Variants in SRBD1 observed in about 807,000 individuals in gnomAD.
SRBD1 encodes the protein S1 RNA binding domain 1.
Under a neutral mutation model 115.3 loss-of-function variants are expected in SRBD1, and 88 were observed. The observed-to-expected ratio is 0.76, with a 90% CI of 0.64 to 0.91. SRBD1 has a LOEUF of 0.91. SRBD1 is among the 40% of genes least tolerant of loss of function. SRBD1 has a pLI of 0.00. For missense variants in SRBD1, 1,385 were observed against 1,177.4 expected (o/e 1.18, Z -2.58); for synonymous variants, 509 against 407.7 (o/e 1.25, Z -2.99).
At chr2:45,414,664 A>AGTGTG (rs1667725408) in intron 18 of SRBD1, among the ~76,000 whole-genome samples, 2 of 150,900 alleles carry the variant, frequency 1.3e-5, no homozygotes, top group African/African-American at 4.9e-5. Flanking sequence ...ACATACACAC[A>AGTGTG]TAGTGTATAT....
chr2:45,573,322 C>T lies in SRBD1; in HGVS notation c.1190G>A (p.Cys397Tyr), dbSNP rs151072216. 2 of 1,610,398 alleles carry T rather than the reference C, an allele frequency of 1.2e-6. No individual in the cohort carries two copies. Among genetic ancestry groups the T allele is most frequent in the African/African-American group, 1.3e-5 (1 of 74,722 alleles). Residue 397 changes from cysteine (C) to tyrosine (Y), a missense_variant, in exon 9 of 21, where the codon TGT becomes TAT. Coordinates refer to ENST00000263736, the MANE Select transcript of SRBD1 (RefSeq NM_018079.5). ...TACTTTTGCCAGAGATGACTGGATA[C>T]AAACATGTCTCTTCTGGCACCTGTT... The part of the protein sequence containing the change: ...IRNLCQKRHV[C>Y]IQSSLAKVSS...
chr2:45,567,615 A>G (rs1672873696), intron 9 of SRBD1, among the ~76,000 whole-genome samples: 1 of 152,180 alleles, frequency 6.6e-6, no homozygotes, highest in African/African-American at 2.4e-5. Context: ...TCTAAGAAAA[A>G]AAAAAAAAAG....
At chr2:45,609,157 G>C (rs1365776040) in intron 1 of SRBD1, among the ~76,000 whole-genome samples, 2 of 152,180 alleles carry the variant, frequency 1.3e-5, no homozygotes, top group East Asian at 1.9e-4. Context: ...GCAATACACT[G>C]CACATGTTTA....
intron 18 of SRBD1, 68 bp downstream of exon 18, chr2:45,418,297 T>C (rs1667890709): frequency 1.3e-6 from 2 of 1,554,736 alleles, no homozygotes; most frequent in South Asian, 1.2e-5. Flanking sequence ...CACTAATCAG[T>C]GGTAGGATAG....
At position 45,522,379 on chromosome 2, in the gene SRBD1, T is replaced by C. The variant is rs74461530; in HGVS notation, c.1874+24353A>G. Among the ~76,000 whole-genome samples, 558 of 152,136 alleles carry C rather than the reference T, an allele frequency of 3.7e-3. 9 individuals are homozygous for C. Among genetic ancestry groups the C allele is most frequent in the African/African-American group, 0.013 (531 of 41,506 alleles). On this transcript the variant is annotated intron_variant, in intron 14 of 20. Coordinates refer to ENST00000263736, the MANE Select transcript of SRBD1 (RefSeq NM_018079.5). The stretch of plus-strand genomic sequence containing the variant: ...TTTTTAGTAGAGATGGAGTTTACCA[T>C]ATTGCGAGAGCTAATCTAGAGCTCC...
intron 1 of SRBD1, 58 bp downstream of exon 1, chr2:45,611,161 C>T (rs1380134324): frequency 6.6e-6 from 1 of 152,214 alleles, no homozygotes; most frequent in Non-Finnish European, 1.5e-5. Flanking sequence ...TCCCGGAGCC[C>T]GGACGCCGGG....
In SRBD1 at chr2:45,599,771, T is replaced by C; in HGVS notation, c.326A>G (p.Gln109Arg). ...TTTTGTCTTGGCTGTTTTCAGAGTC[T>C]GTACAGTATCCAATTTATTTTTTCT... ...EDRKNKLDTV[Q>R]TLKTAKTKQK... is the part of the protein sequence containing the mutation. The change falls in exon 4 of 21, where the codon CAG (glutamine) becomes CGG (arginine). Residue 109 changes from glutamine to arginine, a missense_variant. Transcript: ENST00000263736. The C allele has an allele frequency of 1.2e-6, 2 of 1,614,222 alleles. No individual in the cohort carries two copies. The highest frequency in any genetic ancestry group is 8.5e-7 in the Non-Finnish European group (1 of 1,180,040).
At position 45,547,571 on chromosome 2, in the gene SRBD1, G is replaced by T; in HGVS notation, c.1717C>A (p.Gln573Lys). 1 of 1,613,666 alleles carries T rather than the reference G, an allele frequency of 6.2e-7. No homozygotes were observed. Among genetic ancestry groups the T allele is most frequent in the South Asian group, 1.1e-5 (1 of 91,028 alleles). Residue 573 changes from glutamine to lysine, a missense_variant, in exon 13 of 21, where the codon CAA becomes AAA. Coordinates refer to ENST00000263736, the MANE Select transcript of SRBD1 (RefSeq NM_018079.5). ...HTDVVYLHCG[Q>K]GFREAEKIKT... is the part of the protein sequence containing the mutation. Reference sequence around the variant, plus strand: ...ATTTTCTCCGCCTCTCGGAAGCCTTGTCCACAATGCAAGTAAACCACATCA... The same window carrying T: ...ATTTTCTCCGCCTCTCGGAAGCCTTTTCCACAATGCAAGTAAACCACATCA...
intron 14 of SRBD1, among the ~76,000 whole-genome samples, chr2:45,509,509 T>C (rs1347150708): frequency 1.3e-5 from 2 of 149,012 alleles, no homozygotes; most frequent in Non-Finnish European, 3.0e-5. Context: ...GGCAGGAGAA[T>C]GGCGTGAACC....
chr2:45,564,881 T>C (rs1225271203), intron 9 of SRBD1, among the ~76,000 whole-genome samples: 1 of 152,182 alleles, frequency 6.6e-6, no homozygotes, highest in Admixed American at 6.5e-5. Flanking sequence ...TGCATATACA[T>C]AGATTTGGGT....
chr2:45,459,382 T>A (rs1409693038), intron 16 of SRBD1, among the ~76,000 whole-genome samples: 1 of 152,154 alleles, frequency 6.6e-6, no homozygotes, highest in Non-Finnish European at 1.5e-5. Context: ...GCTGCCACTC[T>A]CTCTGATCCT....
At chr2:45,422,586 G>A (rs1170945082) in intron 16 of SRBD1, among the ~76,000 whole-genome samples, 3 of 152,222 alleles carry the variant, frequency 2.0e-5, no homozygotes, top group African/African-American at 7.2e-5. Flanking sequence ...AGACTATCAT[G>A]TGAGAGGAAT....
intron 16 of SRBD1, among the ~76,000 whole-genome samples, chr2:45,435,304 C>T (rs1053889104): frequency 1.3e-5 from 2 of 151,828 alleles, no homozygotes; most frequent in African/African-American, 4.8e-5. Context: ...TCAAAATTGC[C>T]CCAGCTTTCT....
intron 19 of SRBD1, among the ~76,000 whole-genome samples, chr2:45,412,542 T>C (rs942363127): frequency 2.6e-5 from 4 of 152,204 alleles, no homozygotes; most frequent in African/African-American, 7.2e-5. Flanking sequence ...AATGTCGTTA[T>C]GTAGCAAGTC....
intron 9 of SRBD1, among the ~76,000 whole-genome samples, chr2:45,564,752 C>T (rs548818986): frequency 1.3e-5 from 2 of 152,196 alleles, no homozygotes; most frequent in South Asian, 2.1e-4. Flanking sequence ...TTGACTTACA[C>T]GTGGATTTTT....
chr2:45,575,250 A>C (rs1048597941), intron 7 of SRBD1, among the ~76,000 whole-genome samples: 11 of 152,244 alleles, frequency 7.2e-5, no homozygotes, highest in Admixed American at 7.2e-4. Context: ...TGAATTTCAC[A>C]AATCTCAAAA....
chr2:45,389,378 C>G lies in SRBD1; in HGVS notation c.2920G>C (p.Glu974Gln). 6.2e-7 allele frequency: 1 copy of G among 1,614,034 alleles called. No individual in the cohort carries two copies. Among genetic ancestry groups the G allele is most frequent in the Non-Finnish European group, 8.5e-7 (1 of 1,179,970 alleles). Residue 974 changes from glutamate (E) to glutamine (Q), a missense_variant, in exon 21 of 21, where the codon GAA becomes CAA. Coordinates refer to ENST00000263736, the MANE Select transcript of SRBD1 (RefSeq NM_018079.5). The part of the protein sequence containing the change: ...SLGLGPGERV[E>Q]VQVLNIDIPR... ...ATGTCAATGTTGAGTACTTGGACTT[C>G]CACTCTTTCTCCGGGGCCCAGTCCA...
Position 45,585,679 on chromosome 2 carries a change from A to G in SRBD1, c.744T>C (p.Tyr248=), listed in dbSNP as rs554321861. 3.1e-6 allele frequency: 5 copies of G among 1,612,600 alleles called. No homozygotes were observed. Among genetic ancestry groups the G allele is most frequent in the African/African-American group, 2.7e-5 (2 of 74,914 alleles). The change falls in exon 5 of 21, where the codon TAT becomes TAC. Residue 248 remains tyrosine (Y), a synonymous_variant. Transcript: ENST00000263736. The stretch of plus-strand genomic sequence containing the variant: ...CAAGGTTATTAATGAGCTCTTTTCT[A>G]TAACGTATAATGAAGGGAATTGTGT... ...DDNTIPFIIR[Y]RKELINNLDA...
chr2:45,582,428 G>C (rs1199697683), intron 5 of SRBD1, among the ~76,000 whole-genome samples: 2 of 152,100 alleles, frequency 1.3e-5, no homozygotes, highest in Admixed American at 6.5e-5. Flanking sequence ...ATTTGATTAA[G>C]GTAGTATCTG....
Sources: gnomAD v4.1 joint callset for allele counts (sites outside exome capture counted in the v4.1 genomes callset) on GRCh38, gnomAD v4.1.1 for gene constraint, MANE v1.5 for transcripts, NCBI Gene and HGNC (gene_info 2026-07-23, HGNC 2026-07-21) for gene names.